Variants in GJC1 observed in about 807,000 individuals in gnomAD.
GJC1 encodes the protein gap junction gamma-1 protein.
GJC1 carries 5 observed loss-of-function variants against 29.3 expected under a neutral mutation model. The ratio of observed to expected loss-of-function variants is 0.17; its 90% CI spans 0.09 to 0.36. The LOEUF is 0.36. Ranked by LOEUF, GJC1 falls within the 10% of genes least tolerant of loss-of-function variation. GJC1 has a pLI of 1.00. For missense variants in GJC1, 310 were observed against 496.2 expected (o/e 0.62, Z 3.56); for synonymous variants, 177 against 183.3 (o/e 0.97, Z 0.28).
At chr17:44,826,858 A>G (rs2050181932) in intron 1 of GJC1, among the ~76,000 whole-genome samples, 1 of 152,190 alleles carries the variant, frequency 6.6e-6, no homozygotes, top group Non-Finnish European at 1.5e-5. Context: ...TTTCAACACA[A>G]ACTGAACTCA....
intron 1 of GJC1, among the ~76,000 whole-genome samples, chr17:44,811,460 A>C (rs2049980965): frequency 6.9e-6 from 1 of 145,196 alleles, no homozygotes; most frequent in Non-Finnish European, 1.5e-5. Context: ...ACCTGGGCTC[A>C]CTGTAGCCTC....
intron 1 of GJC1, among the ~76,000 whole-genome samples, chr17:44,814,044 G>T (rs1439548763): frequency 1.3e-5 from 2 of 152,126 alleles, no homozygotes; most frequent in Non-Finnish European, 2.9e-5. Context: ...GCAGGTTCTG[G>T]AATTAACATT....
rs1233318639 is a variant in GJC1 at position 44,798,632 on chromosome 17, CACATG to C, written c.*5990_*5994del. The C allele has an allele frequency of 6.6e-6, 1 of 152,178 alleles. No homozygotes were observed. Among genetic ancestry groups the C allele is most frequent in the South Asian group, 2.1e-4 (1 of 4,836 alleles). The allele number at this position is 152,178 out of a possible 1,614,324, so 9.4% of individuals were successfully genotyped here. A position where few individuals can be genotyped will look rare whatever the true frequency, so the allele number is the denominator to read the frequency against. ...TTCATGCAATATCCAAACTGCACAC[CACATG>C]ACATTAGATTGCTGGTTAACCATTT... On this transcript the variant is annotated 3_prime_UTR_variant, in exon 3 of 3. Coordinates refer to ENST00000592524, the MANE Select transcript of GJC1 (RefSeq NM_005497.4).
At chr17:44,820,312 T>C (rs2050093567) in intron 1 of GJC1, among the ~76,000 whole-genome samples, 1 of 152,172 alleles carries the variant, frequency 6.6e-6, no homozygotes, top group Admixed American at 6.6e-5. Context: ...AGCAATGGAC[T>C]AGAAGGCAAG....
At chr17:44,813,479 A>C in intron 1 of GJC1, among the ~76,000 whole-genome samples, 1 of 133,884 alleles carries the variant, frequency 7.5e-6, no homozygotes, top group Admixed American at 7.8e-5. Context: ...TCTCCTTCCA[A>C]GTTACTTTTT....
intron 1 of GJC1, among the ~76,000 whole-genome samples, chr17:44,824,850 AG>A (rs1169761863): frequency 7.4e-6 from 1 of 135,650 alleles, no homozygotes; most frequent in South Asian, 2.6e-4. Flanking sequence ...AATAGTGAGA[AG>A]GGGGGGAAAG....
downstream of GJC1, among the ~76,000 whole-genome samples, chr17:44,795,401 T>G (rs1451638708): frequency 6.6e-6 from 1 of 152,136 alleles, no homozygotes; most frequent in Non-Finnish European, 1.5e-5. Flanking sequence ...GCCCAGCTAA[T>G]TTTTGTATTT....
intron 1 of GJC1, among the ~76,000 whole-genome samples, chr17:44,816,126 A>AC (rs1162408617): frequency 6.6e-6 from 1 of 151,216 alleles, no homozygotes; most frequent in East Asian, 1.9e-4. Flanking sequence ...AAAAAAAAAA[A>AC]AAAAAAAAAA....
chr17:44,813,810 ACT>A (rs1352695043), intron 1 of GJC1, among the ~76,000 whole-genome samples: 4 of 151,346 alleles, frequency 2.6e-5, no homozygotes, highest in Admixed American at 2.6e-4. Context: ...ACCCATTCTT[ACT>A]CTCAGTGAAA....
At chr17:44,825,351 A>G (rs1048796751) in intron 1 of GJC1, among the ~76,000 whole-genome samples, 1 of 151,810 alleles carries the variant, frequency 6.6e-6, no homozygotes, top group Non-Finnish European at 1.5e-5. Flanking sequence ...TTAGCTGGGC[A>G]TGGTGGTGCA....
At chr17:44,821,730 A>AAAAC (rs2050110853) in intron 1 of GJC1, among the ~76,000 whole-genome samples, 1 of 141,394 alleles carries the variant, frequency 7.1e-6, no homozygotes, top group Non-Finnish European at 1.5e-5. Flanking sequence ...AAAAAACAAC[A>AAAAC]AAAAAACACC....
rs879917000 is a variant in GJC1, at chr17:44,799,970, T to C, written c.*4657A>G. Reference sequence around the variant, plus strand: ...AGGGACAACAGCAAATACAAATCTTTAAACACTTCATGATGTGGCCGGAAT... The same window carrying C: ...AGGGACAACAGCAAATACAAATCTTCAAACACTTCATGATGTGGCCGGAAT... On this transcript the variant is annotated 3_prime_UTR_variant, in exon 3 of 3. Transcript: ENST00000592524. 1 of 152,192 alleles carries C rather than the reference T, an allele frequency of 6.6e-6. No homozygotes were observed. The highest frequency in any genetic ancestry group is 2.4e-5 in the African/African-American group (1 of 41,460). The allele number at this position is 152,192 out of a possible 1,614,324, so 9.4% of individuals were successfully genotyped here.
Position 44,825,188 on chromosome 17 carries a change from CAAAAAAAAAAAA to C in GJC1, c.-97+4862_-97+4873del, listed in dbSNP as rs1162077867. ...ACAGAACAAGACTCTGTCTCAATTA[CAAAAAAAAAAAA>C]AAAAAAAAAAAAAAAAAGGCTGGGC... On this transcript the variant is annotated intron_variant, in intron 1 of 2. Transcript: ENST00000592524. Among the ~76,000 whole-genome samples the C allele has an allele frequency of 2.2e-3, 102 of 45,990 alleles. 2 individuals carry two copies. In the East Asian group the frequency reaches 0.044, roughly 20 times the overall value. The allele number at this position is 45,990 out of a possible 152,430, so 30.2% of individuals were successfully genotyped here.
At chr17:44,815,463 T>C (rs1046032020) in intron 1 of GJC1, among the ~76,000 whole-genome samples, 4 of 152,174 alleles carry the variant, frequency 2.6e-5, no homozygotes, top group Non-Finnish European at 5.9e-5. Context: ...GTACTGTCAT[T>C]TGGTTTTCAA....
At position 44,828,371 on chromosome 17, in the gene GJC1, C is replaced by G. The variant is rs868670846; in HGVS notation, c.-97+1691G>C. 2.6e-5 allele frequency among the ~76,000 whole-genome samples: 4 copies of G among 152,260 alleles called. 1 individual carries two copies. In the Middle Eastern group the frequency reaches 0.01, roughly 388 times the overall value. ...TTCTGGTAGAAAACAATTCTTAAGT[C>G]ACACAACCTCAAAAGTTAAAAGTGC... On this transcript the variant is annotated intron_variant, in intron 1 of 2. Coordinates refer to ENST00000592524, the MANE Select transcript of GJC1 (RefSeq NM_005497.4).
At chr17:44,825,984 G>A (rs937075671) in intron 1 of GJC1, among the ~76,000 whole-genome samples, 3 of 151,950 alleles carry the variant, frequency 2.0e-5, no homozygotes, top group African/African-American at 4.8e-5. Flanking sequence ...GCAGTGATGC[G>A]ATCTCGGCTA....
chr17:44,810,024 ATTT>A (rs539543574), intron 1 of GJC1, among the ~76,000 whole-genome samples: 1 of 145,760 alleles, frequency 6.9e-6, no homozygotes, highest in Non-Finnish European at 1.5e-5. Flanking sequence ...ACGCTTGGCT[ATTT>A]TTTTTTTGTA....
rs1465430628 is a variant in GJC1 at position 44,803,706 on chromosome 17, C to G, written c.*921G>C. 6.6e-6 allele frequency: 1 copy of G among 152,200 alleles called. No individual in the cohort carries two copies. The highest frequency in any genetic ancestry group is 2.4e-5 in the African/African-American group (1 of 41,444). The allele number at this position is 152,200 out of a possible 1,614,324, so 9.4% of individuals were successfully genotyped here. A position where few individuals can be genotyped will look rare whatever the true frequency, so the allele number is the denominator to read the frequency against. The stretch of plus-strand genomic sequence containing the variant: ...AAGCGGGCAGGTTTCTGGATAGAGG[C>G]TTAAGGCAAATCAAACAGGTTCACA... On this transcript the variant is annotated 3_prime_UTR_variant, in exon 3 of 3. Coordinates refer to ENST00000592524, the MANE Select transcript of GJC1 (RefSeq NM_005497.4).
chr17:44,824,568 G>A (rs1455366852), intron 1 of GJC1, among the ~76,000 whole-genome samples: 3 of 152,076 alleles, frequency 2.0e-5, no homozygotes, highest in African/African-American at 7.2e-5. Flanking sequence ...CTCCGAAAGT[G>A]CTGGGAGTAC....
Sources: gnomAD v4.1 joint callset for allele counts (sites outside exome capture counted in the v4.1 genomes callset) on GRCh38, gnomAD v4.1.1 for gene constraint, MANE v1.5 for transcripts, NCBI Gene and HGNC (gene_info 2026-07-23, HGNC 2026-07-21) for gene names.